CFAP91: variants seen among roughly 807,000 people sequenced by gnomAD.
CFAP91 encodes the protein cilia- and flagella-associated protein 91.
A neutral mutation model predicts 95.9 loss-of-function variants in CFAP91; 85 were observed. The observed-to-expected ratio is 0.89, with a 90% CI of 0.74 to 1.06. CFAP91 has a LOEUF of 1.06. Among genes scored for constraint, CFAP91 ranks in the 50% least tolerant of loss-of-function variants. CFAP91 has a pLI of 0.00. For missense variants in CFAP91, 962 were observed against 943.4 expected, an observed-to-expected ratio of 1.02 and a Z score of -0.26; for synonymous variants, 335 against 327.5, an observed-to-expected ratio of 1.02 and a Z score of -0.25.
At chr3:119,716,791 C>T (rs576617818) in intron 6 of CFAP91, among the ~76,000 whole-genome samples, 6 of 152,084 alleles carry the variant, frequency 3.9e-5, no homozygotes, top group East Asian at 1.9e-4. Context: ...GGGGTTTCAC[C>T]GTGTTAGCCA....
At chr3:119,737,920 C>G (rs1363481354) in intron 11 of CFAP91, among the ~76,000 whole-genome samples, 1 of 152,162 alleles carries the variant, frequency 6.6e-6, no homozygotes, top group Admixed American at 6.5e-5. Flanking sequence ...CTGCCCAGGG[C>G]CACATCTCAC....
chr3:119,706,785 G>T, intron 1 of CFAP91, 24 bp from the exon 2 acceptor site: 1 of 1,565,596 alleles, frequency 6.4e-7, no homozygotes, highest in East Asian at 2.2e-5. Flanking sequence ...TATCTGTTAT[G>T]CTACTTGATT....
chr3:119,756,554 A>G (rs1053316312), intron 17 of CFAP91, among the ~76,000 whole-genome samples: 1 of 152,210 alleles, frequency 6.6e-6, no homozygotes, highest in African/African-American at 2.4e-5. Flanking sequence ...AAATTATAAG[A>G]AACAGCAATA....
chr3:119,738,380 G>A (rs1347854756), intron 11 of CFAP91, among the ~76,000 whole-genome samples: 4 of 42,208 alleles, frequency 9.5e-5, no homozygotes, highest in Non-Finnish European at 2.4e-4. Context: ...ACAGAATCTC[G>A]TTCTGTCACC....
At position 119,714,468 on chromosome 3, in the gene CFAP91, G is replaced by A. The variant is rs188897151; in HGVS notation, c.501-1094G>A. Among the ~76,000 whole-genome samples, 33 of 152,092 alleles carry A rather than the reference G, an allele frequency of 2.2e-4. No individual in the cohort carries two copies. The East Asian group carries it at 6.2e-3, about 28-fold the overall frequency. ...ATTTCCATCAACAGTTTATGAGAAG[G>A]CCTGTTTCTTCACAACATAATCAAT... On this transcript the variant is annotated intron_variant, in intron 5 of 17. Coordinates refer to ENST00000273390, the MANE Select transcript of CFAP91 (RefSeq NM_033364.4).
chr3:119,718,281 C>T (rs1577206843), intron 6 of CFAP91, among the ~76,000 whole-genome samples: 1 of 152,038 alleles, frequency 6.6e-6, no homozygotes, highest in African/African-American at 2.4e-5. Context: ...GAAAAAGAAC[C>T]AGTTGGAATC....
Position 119,709,973 on chromosome 3 carries a change from A to T in CFAP91, c.500+78A>T. Reference sequence around the variant, plus strand: ...CATATTTTTTCTTAGAAGATAGTTCACTAAATCACTATTTTTCAAATTGTG... The same window carrying T: ...CATATTTTTTCTTAGAAGATAGTTCTCTAAATCACTATTTTTCAAATTGTG... On this transcript the variant is annotated intron_variant, in intron 5 of 17. Transcript: ENST00000273390. 3.7e-6 allele frequency: 4 copies of T among 1,094,918 alleles called. No homozygotes were observed. In the South Asian group the frequency reaches 5.3e-5, roughly 15 times the overall value. 67.8% of individuals were successfully genotyped at this position (1,094,918 alleles called of 1,614,324 possible).
chr3:119,731,953 A>AT (rs1210951155), intron 8 of CFAP91, among the ~76,000 whole-genome samples: 2 of 152,176 alleles, frequency 1.3e-5, no homozygotes, highest in African/African-American at 2.4e-5. Context: ...CTGAACATGT[A>AT]TTTTCCAGTT....
chr3:119,734,053 G>A (rs1055840950), intron 10 of CFAP91, among the ~76,000 whole-genome samples: 1 of 152,120 alleles, frequency 6.6e-6, no homozygotes, highest in African/African-American at 2.4e-5. Context: ...TCTTTCCTGT[G>A]CATCAGAATC....
intron 12 of CFAP91, 150 bp downstream of exon 12, chr3:119,739,476 G>C (rs2054075853): frequency 1.5e-6 from 1 of 659,442 alleles, no homozygotes; most frequent in Non-Finnish European, 2.6e-6. Flanking sequence ...TTTCCTTCTG[G>C]TGACCCATTT....
chr3:119,753,385 C>G (rs2054362258), intron 17 of CFAP91, among the ~76,000 whole-genome samples: 1 of 152,114 alleles, frequency 6.6e-6, no homozygotes, highest in Non-Finnish European at 1.5e-5. Context: ...TATAGTTTAG[C>G]TTCTAATCAT....
At chr3:119,738,378 TCG>T in intron 11 of CFAP91, among the ~76,000 whole-genome samples, 1 of 128,796 alleles carries the variant, frequency 7.8e-6, no homozygotes, top group Non-Finnish European at 1.6e-5. Flanking sequence ...AGACAGAATC[TCG>T]TTCTGTCACC....
chr3:119,737,538 T>A (rs2054034647), intron 11 of CFAP91, 56 bp downstream of exon 11: 2 of 1,094,516 alleles, frequency 1.8e-6, no homozygotes, highest in Admixed American at 2.0e-5. Context: ...GTCAGCTTAT[T>A]CTTAGGATAG....
intron 5 of CFAP91, among the ~76,000 whole-genome samples, chr3:119,710,947 T>C (rs2053460839): frequency 1.3e-5 from 2 of 152,348 alleles, no homozygotes; most frequent in East Asian, 1.9e-4. Context: ...CTCTTTCCTC[T>C]GTTAATATAA....
chr3:119,718,956 G>A (rs553614521), intron 6 of CFAP91, among the ~76,000 whole-genome samples: 24 of 150,750 alleles, frequency 1.6e-4, no homozygotes, highest in Non-Finnish European at 2.7e-4. Context: ...GAAATGCATA[G>A]GAGTGTTCAC....
intron 6 of CFAP91, among the ~76,000 whole-genome samples, chr3:119,718,656 TAACTC>T (rs1456713106): frequency 6.6e-6 from 1 of 151,994 alleles, no homozygotes; most frequent in Non-Finnish European, 1.5e-5. Context: ...ATTAGAAAGA[TAACTC>T]AGATTACCTA....
At chr3:119,723,172 GA>G (rs1450908034) in intron 6 of CFAP91, among the ~76,000 whole-genome samples, 7 of 152,136 alleles carry the variant, frequency 4.6e-5, no homozygotes, top group Non-Finnish European at 8.8e-5. Context: ...TATTTGTAAG[GA>G]CTGCAAAAAG....
chr3:119,733,382 C>A lies in CFAP91; in HGVS notation c.1220C>A (p.Ser407Ter), dbSNP rs773473514. 1.2e-6 allele frequency: 2 copies of A among 1,614,016 alleles called. No individual in the cohort carries two copies. The highest frequency in any genetic ancestry group is 3.3e-5 in the Admixed American group (2 of 60,004). ...CCCATAGGATTAGTGGAACTTGAGT[C>A]ATGTCTCCCAGATTTTGTGACACAA... Reference protein sequence around the residue: ...NTYEGLVELESCLPDFVTQPQ... With the variant: ...NTYEGLVELE The change falls in exon 10 of 18, where the codon TCA becomes TAA. Residue 407 changes from serine (S) to a stop codon, truncating the protein, a stop_gained. Coordinates refer to ENST00000273390, the MANE Select transcript of CFAP91 (RefSeq NM_033364.4). LOFTEE classifies it high-confidence loss of function.
intron 5 of CFAP91, among the ~76,000 whole-genome samples, chr3:119,713,838 A>G (rs1261053188): frequency 6.6e-6 from 1 of 152,064 alleles, no homozygotes; most frequent in African/African-American, 2.4e-5. Flanking sequence ...CTTCTTTACA[A>G]TGAATCATGG....
Sources: allele counts gnomAD v4.1 joint callset (sites outside exome capture counted in the v4.1 genomes callset), GRCh38; gene constraint gnomAD v4.1.1; transcripts MANE v1.5; gene names NCBI Gene and HGNC (gene_info 2026-07-23, HGNC 2026-07-21).